Variants in PTPRG observed in about 807,000 individuals in gnomAD.
PTPRG encodes the protein receptor-type tyrosine-protein phosphatase gamma.
In PTPRG, 102 loss-of-function variants were observed where a neutral mutation model predicts 165.3. That is an observed-to-expected ratio of 0.62 (90% CI 0.53 to 0.73). The LOEUF (loss-of-function observed/expected upper bound fraction) is 0.73, where lower values mean the gene tolerates loss of function less well. PTPRG is among the 30% of genes least tolerant of loss of function. PTPRG has a pLI of 0.00. For synonymous variants in PTPRG, 675 were observed against 669.5 expected, an observed-to-expected ratio of 1.01 and a Z score of -0.13; for missense variants, 1,866 against 1,861.4, an observed-to-expected ratio of 1.00 and a Z score of -0.05.
At chr3:61,698,677 T>A (rs2030752258) in intron 1 of PTPRG, among the ~76,000 whole-genome samples, 1 of 152,214 alleles carries the variant, frequency 6.6e-6, no homozygotes, top group Non-Finnish European at 1.5e-5. Context: ...TTTATGTGGA[T>A]CATATCTGTG....
At chr3:62,103,143 G>A (rs1702349704) in intron 5 of PTPRG, among the ~76,000 whole-genome samples, 1 of 144,178 alleles carries the variant, frequency 6.9e-6, no homozygotes, top group Non-Finnish European at 1.5e-5. Flanking sequence ...TCCTCATCAA[G>A]TTTTTTTTTT....
intron 2 of PTPRG, among the ~76,000 whole-genome samples, chr3:61,775,255 G>C (rs1296559015): frequency 6.6e-6 from 1 of 152,106 alleles, no homozygotes; most frequent in Non-Finnish European, 1.5e-5. Flanking sequence ...ATTTTTAGTT[G>C]AGATGGGGTT....
chr3:62,145,070 G>T (rs575902727), intron 6 of PTPRG, among the ~76,000 whole-genome samples: 1 of 152,132 alleles, frequency 6.6e-6, no homozygotes, highest in South Asian at 2.1e-4. Flanking sequence ...AAAGTGCTTG[G>T]GACTACCGTG....
rs532102163 is a variant in PTPRG at position 62,034,276 on chromosome 3, C to T, written c.519+30779C>T. On this transcript the variant is annotated intron_variant, in intron 4 of 29. Coordinates refer to ENST00000474889, the MANE Select transcript of PTPRG (RefSeq NM_002841.4). ...CTGCATTTGTTTGGAAAAAGCAAAC[C>T]CTAGCAGTTCAAACTCATGTTATTA... 1.2e-4 allele frequency among the ~76,000 whole-genome samples: 18 copies of T among 152,270 alleles called. No individual in the cohort carries two copies. In the East Asian group the frequency reaches 3.3e-3, roughly 28 times the overall value.
At chr3:62,281,763 ATTCT>A in intron 27 of PTPRG, 54 bp downstream of exon 27, 1 of 1,472,342 alleles carries the variant, frequency 6.8e-7, no homozygotes. Context: ...CTGGATCATC[ATTCT>A]AAGTAATAAT....
chr3:62,161,861 G>C (rs1183820059), intron 7 of PTPRG, among the ~76,000 whole-genome samples: 1 of 152,108 alleles, frequency 6.6e-6, no homozygotes, highest in African/African-American at 2.4e-5. Context: ...CAACAAACAC[G>C]ACCTGCCCTG....
intron 1 of PTPRG, among the ~76,000 whole-genome samples, chr3:61,631,101 A>T (rs1188453652): frequency 6.6e-6 from 1 of 152,132 alleles, no homozygotes; most frequent in Non-Finnish European, 1.5e-5. Flanking sequence ...TTAAAGACAA[A>T]TGAAAATTCA....
intron 1 of PTPRG, among the ~76,000 whole-genome samples, chr3:61,608,488 G>A (rs981753170): frequency 6.6e-6 from 1 of 152,194 alleles, no homozygotes; most frequent in Non-Finnish European, 1.5e-5. Flanking sequence ...TCTGTTTGCT[G>A]TGGGTGCTGC....
At chr3:61,670,965 G>A (rs1702963198) in intron 1 of PTPRG, among the ~76,000 whole-genome samples, 1 of 151,956 alleles carries the variant, frequency 6.6e-6, no homozygotes, top group African/African-American at 2.4e-5. Flanking sequence ...GTTAGGTGAG[G>A]CCATGCTTAA....
intron 2 of PTPRG, among the ~76,000 whole-genome samples, chr3:61,767,204 A>G (rs1302634248): frequency 7.3e-6 from 1 of 136,776 alleles, no homozygotes; most frequent in Admixed American, 8.4e-5. Flanking sequence ...AGATTGCACC[A>G]CTGCACTCTA....
chr3:61,897,325 T>C (rs2038384887), intron 2 of PTPRG, among the ~76,000 whole-genome samples: 1 of 152,134 alleles, frequency 6.6e-6, no homozygotes, highest in African/African-American at 2.4e-5. Context: ...GTTTTCCAGT[T>C]ACTTTGGCAC....
At chr3:61,741,366 T>C (rs2032977024) in intron 1 of PTPRG, among the ~76,000 whole-genome samples, 1 of 152,222 alleles carries the variant, frequency 6.6e-6, no homozygotes, top group Non-Finnish European at 1.5e-5. Context: ...GAACTAGGAC[T>C]CTGTATATGA....
intron 2 of PTPRG, among the ~76,000 whole-genome samples, chr3:61,950,466 A>G (rs1226064805): frequency 6.6e-6 from 1 of 152,220 alleles, no homozygotes; most frequent in Non-Finnish European, 1.5e-5. Flanking sequence ...AAAGAAAACT[A>G]TAAATGGTAG....
chr3:62,135,704 G>A (rs1703683783), intron 6 of PTPRG, among the ~76,000 whole-genome samples: 1 of 152,120 alleles, frequency 6.6e-6, no homozygotes, highest in African/African-American at 2.4e-5. Context: ...GGGTCTGCCT[G>A]GGAAGGATCA....
chr3:61,728,027 TG>T (rs2032333930), intron 1 of PTPRG, among the ~76,000 whole-genome samples: 1 of 152,262 alleles, frequency 6.6e-6, no homozygotes, highest in South Asian at 2.1e-4. Flanking sequence ...TGTTGACATT[TG>T]CCACTTTCAG....
rs543099566 is a variant in PTPRG at position 61,798,647 on chromosome 3, T to C, written c.190+49665T>C. On this transcript the variant is annotated intron_variant, in intron 2 of 29. Transcript: ENST00000474889. Reference sequence around the variant, plus strand: ...TTTTTTTTTTTTTTTTTAAACCCTTTGAGTTATTTTGAATCTTTTCACTTT... The same window carrying C: ...TTTTTTTTTTTTTTTTTAAACCCTTCGAGTTATTTTGAATCTTTTCACTTT... 2.7e-5 allele frequency among the ~76,000 whole-genome samples: 4 copies of C among 146,130 alleles called. No homozygotes were observed. The South Asian group carries it at 9.1e-4, about 33-fold the overall frequency.
intron 1 of PTPRG, among the ~76,000 whole-genome samples, chr3:61,639,281 A>C (rs185766600): frequency 3.7e-4 from 57 of 152,230 alleles, no homozygotes; most frequent in African/African-American, 1.3e-3. Context: ...TGGTTTTTGT[A>C]ATAGTACCAT....
At chr3:61,814,398 T>G (rs925095147) in intron 2 of PTPRG, among the ~76,000 whole-genome samples, 1 of 152,178 alleles carries the variant, frequency 6.6e-6, no homozygotes, top group Non-Finnish European at 1.5e-5. Context: ...AGGACAGACT[T>G]TGCTAGTTTT....
At chr3:61,814,762 A>C (rs920269738) in intron 2 of PTPRG, among the ~76,000 whole-genome samples, 20 of 150,992 alleles carry the variant, frequency 1.3e-4, no homozygotes, top group Non-Finnish European at 1.5e-5. Flanking sequence ...TCTTCTTTGT[A>C]TTCATCTAGG....
Sources: gnomAD v4.1 joint callset for allele counts (sites outside exome capture counted in the v4.1 genomes callset) on GRCh38, gnomAD v4.1.1 for gene constraint, MANE v1.5 for transcripts, NCBI Gene and HGNC (gene_info 2026-07-23, HGNC 2026-07-21) for gene names.